TUSC3: variants seen among roughly 807,000 people sequenced by gnomAD.
TUSC3 encodes the protein dolichyl-diphosphooligosaccharide--protein glycosyltransferase subunit TUSC3.
A neutral mutation model predicts 44.8 loss-of-function variants in TUSC3; 45 were observed. That is an observed-to-expected ratio of 1.00 (90% CI 0.79 to 1.29). The LOEUF is 1.29. TUSC3 is among the 50% of genes most tolerant of loss of function. The probability of loss-of-function intolerance (pLI) is 0.00; values close to 1 mark genes in which losing one functional copy is unlikely to be tolerated. For synonymous variants in TUSC3, 212 were observed against 152.9 expected, an observed-to-expected ratio of 1.39 and a Z score of -2.85; for missense variants, 519 against 437.9, an observed-to-expected ratio of 1.19 and a Z score of -1.65.
At chr8:15,767,842 T>C (rs963404230), downstream of TUSC3, among the ~76,000 whole-genome samples, 1 of 152,070 alleles carries the variant, frequency 6.6e-6, no homozygotes, top group Non-Finnish European at 1.5e-5. Context: ...AAGATTGAAG[T>C]TGGGACAAAT....
At chr8:15,815,733 T>A in the TUSC3 span, among the ~76,000 whole-genome samples, 1 of 152,140 alleles carries the variant, frequency 6.6e-6, no homozygotes, top group East Asian at 1.9e-4. Context: ...CTTTGAACAA[T>A]GAGTTCAAAT....
At chr8:15,561,447 C>T (rs1275844034) in intron 1 of TUSC3, among the ~76,000 whole-genome samples, 1 of 138,498 alleles carries the variant, frequency 7.2e-6, no homozygotes, top group Non-Finnish European at 1.6e-5. Context: ...GAGGTTACTG[C>T]TGTCCTTTTG....
the TUSC3 span, among the ~76,000 whole-genome samples, chr8:15,815,076 T>C: frequency 2.0e-5 from 3 of 152,224 alleles, no homozygotes; most frequent in Admixed American, 1.3e-4. Flanking sequence ...ATGTAGTATA[T>C]AAGTAATGAG....
chr8:15,771,284 C>T (rs1812435586), downstream of TUSC3, among the ~76,000 whole-genome samples: 1 of 152,108 alleles, frequency 6.6e-6, no homozygotes, highest in South Asian at 2.1e-4. Flanking sequence ...CTCAAAATGA[C>T]CTACAAATTC....
the TUSC3 span, among the ~76,000 whole-genome samples, chr8:15,822,326 A>T: frequency 0.011 from 1,660 of 152,238 alleles, 37 homozygotes; most frequent in African/African-American, 0.038. Flanking sequence ...TACATATTTT[A>T]AAAAAATAGA....
chr8:15,627,521 C>T (rs990299742), intron 2 of TUSC3, among the ~76,000 whole-genome samples: 1 of 152,240 alleles, frequency 6.6e-6, no homozygotes, highest in Non-Finnish European at 1.5e-5. Flanking sequence ...GGAACATGCC[C>T]CTCGCTTGCC....
chr8:15,440,100 A>C (rs1259843251), intron 1 of TUSC3, among the ~76,000 whole-genome samples: 2 of 152,216 alleles, frequency 1.3e-5, no homozygotes, highest in African/African-American at 4.8e-5. Flanking sequence ...AAGCTGAGAT[A>C]ATTGCCCTGA....
At chr8:15,508,907 A>G (rs1801096575) in intron 2 of TUSC3, among the ~76,000 whole-genome samples, 1 of 152,212 alleles carries the variant, frequency 6.6e-6, no homozygotes, top group African/African-American at 2.4e-5. Context: ...GGTTGGCATT[A>G]TTACTGTCTC....
At chr8:15,465,875 G>A (rs533695674) in intron 1 of TUSC3, among the ~76,000 whole-genome samples, 3 of 152,090 alleles carry the variant, frequency 2.0e-5, no homozygotes, top group Admixed American at 6.6e-5. Context: ...AAGTCAACAG[G>A]CATTTCCTCA....
intron 1 of TUSC3, among the ~76,000 whole-genome samples, chr8:15,584,470 A>G (rs1803511553): frequency 6.6e-6 from 1 of 152,198 alleles, no homozygotes; most frequent in Admixed American, 6.5e-5. Flanking sequence ...TCTAAAGGTA[A>G]AGAAAGTACA....
At chr8:15,737,220 A>G (rs537159040) in intron 7 of TUSC3, among the ~76,000 whole-genome samples, 1 of 152,266 alleles carries the variant, frequency 6.6e-6, no homozygotes. Context: ...TTTTAGATTT[A>G]GAATTCTTTA....
chr8:15,627,016 G>A (rs1805540811), intron 2 of TUSC3, among the ~76,000 whole-genome samples: 2 of 152,160 alleles, frequency 1.3e-5, no homozygotes, highest in Non-Finnish European at 2.9e-5. Flanking sequence ...GAACAGAGTG[G>A]GAAAGTGTGG....
intron 1 of TUSC3, among the ~76,000 whole-genome samples, chr8:15,602,181 A>G (rs1804316261): frequency 6.6e-6 from 1 of 151,640 alleles, no homozygotes; most frequent in Admixed American, 6.6e-5. Flanking sequence ...TCTGAAGTCC[A>G]AAATGCTTCT....
intron 1 of TUSC3, among the ~76,000 whole-genome samples, chr8:15,443,459 A>C (rs1365748865): frequency 6.6e-6 from 1 of 151,792 alleles, no homozygotes; most frequent in Admixed American, 6.6e-5. Flanking sequence ...TCAGCTTCCC[A>C]AAGTGCTAGG....
chr8:15,809,402 T>G, the TUSC3 span, among the ~76,000 whole-genome samples: 2 of 152,188 alleles, frequency 1.3e-5, no homozygotes, highest in African/African-American at 4.8e-5. Flanking sequence ...TGGGAATAGG[T>G]AAAGGTCCCT....
chr8:15,594,029 T>C (rs1347520252), intron 1 of TUSC3, among the ~76,000 whole-genome samples: 1 of 152,248 alleles, frequency 6.6e-6, no homozygotes, highest in Non-Finnish European at 1.5e-5. Context: ...AGATATTTTA[T>C]GTATCCTTTC....
chr8:15,662,311 T>G lies in TUSC3; in HGVS notation c.708+15T>G. On this transcript the variant is annotated intron_variant, in intron 5 of 10. Transcript: ENST00000503731. The stretch of plus-strand genomic sequence containing the variant: ...TGGTGTCTCTGGTATGTTAATACAT[T>G]GTGCTTTTTTTATTTCCTGTTCTTT... The G allele has an allele frequency of 6.2e-7, 1 of 1,612,424 alleles. No homozygotes were observed. The highest frequency in any genetic ancestry group is 1.1e-5 in the South Asian group (1 of 91,060).
chr8:15,507,557 A>G (rs1423591573), intron 2 of TUSC3, among the ~76,000 whole-genome samples: 1 of 152,108 alleles, frequency 6.6e-6, no homozygotes, highest in Non-Finnish European at 1.5e-5. Context: ...TTTGAGTTTT[A>G]TCAATTTTTA....
At chr8:15,657,227 G>T (rs1807214962) in intron 3 of TUSC3, among the ~76,000 whole-genome samples, 1 of 152,134 alleles carries the variant, frequency 6.6e-6, no homozygotes, top group South Asian at 2.1e-4. Flanking sequence ...GCCAGGCTGA[G>T]AGTTTTCCAA....
Sources: allele counts gnomAD v4.1 joint callset (sites outside exome capture counted in the v4.1 genomes callset), GRCh38; gene constraint gnomAD v4.1.1; transcripts MANE v1.5; gene names NCBI Gene and HGNC (gene_info 2026-07-23, HGNC 2026-07-21).